The following GRM7 variants were observed in gnomAD, a reference collection of about 807,000 sequenced individuals.
The protein encoded by GRM7 is metabotropic glutamate receptor 7.
Under a neutral mutation model 84.5 loss-of-function variants are expected in GRM7, and 35 were observed. The observed-to-expected ratio is 0.41, with a 90% confidence interval of 0.32 to 0.55. GRM7 has a LOEUF of 0.55. Among genes scored for constraint, GRM7 ranks in the 20% least tolerant of loss-of-function variants. The pLI is 0.19. For missense variants in GRM7, 1,003 were observed against 1,194.6 expected (o/e 0.84, Z 2.36); for synonymous variants, 487 against 455.1 (o/e 1.07, Z -0.89).
rs551858374 is a variant in GRM7, at chr3:7,677,122, C to T, written c.2452-2927C>T. Among the ~76,000 whole-genome samples the T allele has an allele frequency of 5.3e-5, 8 of 151,736 alleles. No homozygotes were observed. In the East Asian group the frequency reaches 7.8e-4, roughly 15 times the overall value. On this transcript the variant is annotated intron_variant, in intron 8 of 9. Coordinates refer to ENST00000357716, the MANE Select transcript of GRM7 (RefSeq NM_000844.4). Reference sequence around the variant, plus strand: ...TAAAAATACAAAAAAATTAGCCGGGCGCGGTGGCACGTGCCTGTAGTCCCA... The same window carrying T: ...TAAAAATACAAAAAAATTAGCCGGGTGCGGTGGCACGTGCCTGTAGTCCCA...
intron 2 of GRM7, among the ~76,000 whole-genome samples, chr3:7,167,236 A>G (rs1694829447): frequency 6.6e-6 from 1 of 152,168 alleles, no homozygotes; most frequent in East Asian, 1.9e-4. Flanking sequence ...AATAAGTGTC[A>G]TTTGCATTAG....
At chr3:7,143,492 A>G (rs1163764948) in intron 1 of GRM7, among the ~76,000 whole-genome samples, 3 of 152,160 alleles carry the variant, frequency 2.0e-5, no homozygotes, top group Admixed American at 6.6e-5. Context: ...CTAAAGAGAA[A>G]TATGGGTCTT....
intron 1 of GRM7, among the ~76,000 whole-genome samples, chr3:7,102,893 G>T (rs904525574): frequency 4.6e-5 from 7 of 151,440 alleles, no homozygotes; most frequent in Non-Finnish European, 1.0e-4. Flanking sequence ...TAGAATTTTT[G>T]TTCCATTCTT....
chr3:7,632,310 G>A (rs963516204), intron 8 of GRM7, among the ~76,000 whole-genome samples: 1 of 152,182 alleles, frequency 6.6e-6, no homozygotes, highest in East Asian at 1.9e-4. Context: ...GAGTGGGCAT[G>A]AGTAGCCATT....
intron 7 of GRM7, among the ~76,000 whole-genome samples, chr3:7,526,425 A>G (rs188900804): frequency 2.6e-4 from 39 of 152,170 alleles, no homozygotes; most frequent in Admixed American, 2.5e-3. Context: ...GATTATGGAT[A>G]TTAGTCCATT....
chr3:6,910,824 T>C (rs1268012784), intron 1 of GRM7, among the ~76,000 whole-genome samples: 1 of 152,148 alleles, frequency 6.6e-6, no homozygotes, highest in Non-Finnish European at 1.5e-5. Context: ...AAGAGCAATG[T>C]TTGCAGATGG....
intron 8 of GRM7, among the ~76,000 whole-genome samples, chr3:7,598,921 G>T (rs1383323858): frequency 1.3e-5 from 2 of 152,146 alleles, no homozygotes; most frequent in Admixed American, 6.6e-5. Flanking sequence ...AAGATATCTT[G>T]ATATCTATAG....
In GRM7 at chr3:7,058,142, T is replaced by A. The variant is rs1401160247; in HGVS notation, c.520-88310T>A. 2.0e-5 allele frequency among the ~76,000 whole-genome samples: 3 copies of A among 151,906 alleles called. No individual in the cohort carries two copies. In the East Asian group the frequency reaches 5.8e-4, roughly 29 times the overall value. ...ATCCAGAAACAGACTTTCGGCCTAT[T>A]TGAGATGATTGACCATATTACATTT... On this transcript the variant is annotated intron_variant, in intron 1 of 9. Coordinates refer to ENST00000357716, the MANE Select transcript of GRM7 (RefSeq NM_000844.4).
At chr3:7,620,327 T>A (rs1306613898) in intron 8 of GRM7, among the ~76,000 whole-genome samples, 1 of 152,204 alleles carries the variant, frequency 6.6e-6, no homozygotes, top group African/African-American at 2.4e-5. Context: ...TCCACTATTT[T>A]ATCTGGCAAA....
At chr3:7,631,057 G>A (rs1363482134) in intron 8 of GRM7, among the ~76,000 whole-genome samples, 3 of 152,162 alleles carry the variant, frequency 2.0e-5, no homozygotes, top group African/African-American at 7.2e-5. Context: ...CTGATTCCTA[G>A]CAGACTGCTT....
intron 1 of GRM7, among the ~76,000 whole-genome samples, chr3:7,020,648 A>G (rs548238138): frequency 2.6e-5 from 4 of 152,234 alleles, no homozygotes; most frequent in Non-Finnish European, 4.4e-5. Flanking sequence ...TGCAAAATCT[A>G]TTGCAGAAGA....
At chr3:7,487,135 A>G (rs1699351427) in intron 7 of GRM7, among the ~76,000 whole-genome samples, 1 of 152,170 alleles carries the variant, frequency 6.6e-6, no homozygotes, top group Non-Finnish European at 1.5e-5. Flanking sequence ...AGAACGTAAG[A>G]GTGATGAATT....
At chr3:7,548,799 G>A (rs935162709) in intron 7 of GRM7, among the ~76,000 whole-genome samples, 2 of 152,174 alleles carry the variant, frequency 1.3e-5, no homozygotes, top group Non-Finnish European at 2.9e-5. Flanking sequence ...TTCTGGGTGT[G>A]CCCCTTTTCT....
intron 7 of GRM7, among the ~76,000 whole-genome samples, chr3:7,513,187 A>G (rs926175334): frequency 1.3e-5 from 2 of 152,152 alleles, no homozygotes; most frequent in Non-Finnish European, 1.5e-5. Context: ...CTCTAGGACT[A>G]TGCAGTTAGT....
chr3:7,100,420 G>C (rs1393291579), intron 1 of GRM7, among the ~76,000 whole-genome samples: 3 of 151,728 alleles, frequency 2.0e-5, no homozygotes, highest in Non-Finnish European at 3.0e-5. Context: ...TCCTCAGAAA[G>C]AAAATGGTAC....
chr3:7,652,027 G>T (rs944099166), intron 8 of GRM7, among the ~76,000 whole-genome samples: 1 of 152,072 alleles, frequency 6.6e-6, no homozygotes, highest in Non-Finnish European at 1.5e-5. Flanking sequence ...CCAACATTTG[G>T]GGGGAAAAAA....
At chr3:7,350,949 G>GA (rs1693113947) in intron 4 of GRM7, among the ~76,000 whole-genome samples, 1 of 152,044 alleles carries the variant, frequency 6.6e-6, no homozygotes, top group Non-Finnish European at 1.5e-5. Context: ...GAGGTCTGTA[G>GA]AAGATCAGAG....
chr3:6,897,257 A>C (rs973265460), intron 1 of GRM7, among the ~76,000 whole-genome samples: 15 of 152,170 alleles, frequency 9.9e-5, no homozygotes, highest in African/African-American at 3.4e-4. Context: ...CTAGTTCTCA[A>C]AGTGTGGTAC....
At chr3:7,276,784 TTCCTTCCTTCCTTCCTTC>T (rs1559546910) in intron 2 of GRM7, among the ~76,000 whole-genome samples, 19 of 1,732 alleles carry the variant, frequency 0.011, no homozygotes, top group Admixed American at 0.021. Context: ...CCTTCCTTCC[TTCCTTCCTTCCTTCCTTC>T]CTTTTTGGTG....
Sources: allele counts gnomAD v4.1 joint callset (sites outside exome capture counted in the v4.1 genomes callset), GRCh38; gene constraint gnomAD v4.1.1; transcripts MANE v1.5; gene names NCBI Gene and HGNC (gene_info 2026-07-23, HGNC 2026-07-21).